Variants in CYP4Z1 observed in about 807,000 individuals in gnomAD.
The protein encoded by CYP4Z1 is cytochrome P450 family 4 subfamily Z member 1, also known as cytochrome P450 4Z1.
CYP4Z1 carries 41 observed loss-of-function variants against 54.2 expected under a neutral mutation model. That is an observed-to-expected ratio of 0.76 (90% confidence interval 0.59 to 0.98). The LOEUF (loss-of-function observed/expected upper bound fraction) is 0.98. Among genes scored for constraint, CYP4Z1 ranks in the 50% least tolerant of loss-of-function variants. The pLI is 0.00. For missense variants in CYP4Z1, 513 were observed against 599.0 expected, an observed-to-expected ratio of 0.86 and a Z score of 1.50; for synonymous variants, 163 against 206.2, an observed-to-expected ratio of 0.79 and a Z score of 1.79.
Position 47,067,673 on chromosome 1 carries a change from A to G in CYP4Z1, c.177+6A>G, listed in dbSNP as rs1569693029. The G allele has an allele frequency of 6.3e-7, 1 of 1,592,530 alleles. No individual in the cohort carries two copies. Among genetic ancestry groups the G allele is most frequent in the Non-Finnish European group, 8.6e-7 (1 of 1,166,570 alleles). On this transcript the variant is annotated splice_donor_region_variant and intron_variant, in intron 1 of 11. Coordinates refer to ENST00000334194, the MANE Select transcript of CYP4Z1 (RefSeq NM_178134.3). ...GGTTCTATGGCCACAAGGAGGTAAG[A>G]GGAGAAAATTAGTTGGGGAGGTTAA...
chr1:47,056,652 T>G, the CYP4Z1 span, among the ~76,000 whole-genome samples: 5 of 152,362 alleles, frequency 3.3e-5, no homozygotes, highest in African/African-American at 1.2e-4. Flanking sequence ...TCTTGTTGAA[T>G]TGATCCCTTT....
chr1:47,081,682 T>C (rs1193612979), intron 3 of CYP4Z1, among the ~76,000 whole-genome samples: 1 of 118,946 alleles, frequency 8.4e-6, no homozygotes, highest in African/African-American at 4.0e-5. Flanking sequence ...CACAATCTAA[T>C]TGCCCCTGGA....
At chr1:47,057,972 C>G in the CYP4Z1 span, among the ~76,000 whole-genome samples, 6 of 152,008 alleles carry the variant, frequency 3.9e-5, no homozygotes, top group Non-Finnish European at 7.4e-5. Flanking sequence ...AGTTCAACTA[C>G]TGGTTGATCA....
intron 6 of CYP4Z1, among the ~76,000 whole-genome samples, chr1:47,092,466 A>T (rs1209752224): frequency 6.6e-6 from 1 of 151,158 alleles, no homozygotes; most frequent in Admixed American, 6.6e-5. Context: ...CGGAATTCTT[A>T]TCTGGCTTCT....
At chr1:47,086,841 T>A (rs1644599028) in intron 6 of CYP4Z1, among the ~76,000 whole-genome samples, 1 of 152,240 alleles carries the variant, frequency 6.6e-6, no homozygotes, top group South Asian at 2.1e-4. Flanking sequence ...AACATTTAAA[T>A]CTTTAATCCA....
At chr1:47,082,249 A>G in intron 3 of CYP4Z1, 85 bp from the exon 4 acceptor site, 1 of 1,493,508 alleles carries the variant, frequency 6.7e-7, no homozygotes, top group Non-Finnish European at 9.0e-7. Context: ...CCAGTGTCAT[A>G]GATAGGGAAT....
chr1:47,090,372 G>A (rs1644630683), intron 6 of CYP4Z1, among the ~76,000 whole-genome samples: 1 of 152,218 alleles, frequency 6.6e-6, no homozygotes, highest in Non-Finnish European at 1.5e-5. Context: ...GTTCCACATT[G>A]TGGGTGCTAC....
At chr1:47,086,817 A>C (rs1569720857) in intron 6 of CYP4Z1, among the ~76,000 whole-genome samples, 1 of 152,120 alleles carries the variant, frequency 6.6e-6, no homozygotes, top group Non-Finnish European at 1.5e-5. Flanking sequence ...TAGGGTTTTT[A>C]TGGTTTTATG....
intron 6 of CYP4Z1, among the ~76,000 whole-genome samples, chr1:47,091,520 G>A (rs1490196511): frequency 6.7e-6 from 1 of 149,044 alleles, no homozygotes; most frequent in East Asian, 2.1e-4. Context: ...AGGTATAAAT[G>A]TTAGCTACCT....
intron 6 of CYP4Z1, among the ~76,000 whole-genome samples, chr1:47,092,567 T>C (rs979414716): frequency 6.6e-6 from 1 of 151,886 alleles, no homozygotes; most frequent in African/African-American, 2.4e-5. Context: ...TGCTTCCTTT[T>C]CCATTTATCT....
intron 2 of CYP4Z1, among the ~76,000 whole-genome samples, chr1:47,069,050 A>C (rs573230411): frequency 7.2e-5 from 11 of 152,326 alleles, no homozygotes; most frequent in African/African-American, 2.4e-4. Context: ...ACTACCACTT[A>C]CCATCACTGT....
chr1:47,099,073 G>T (rs202098764), intron 7 of CYP4Z1, 21 bp from the exon 8 acceptor site: 191 of 1,613,640 alleles, frequency 1.2e-4, no homozygotes, highest in Middle Eastern at 1.6e-4. Flanking sequence ...TTTGGATAAA[G>T]ATCATCACTG....
the CYP4Z1 span, among the ~76,000 whole-genome samples, chr1:47,058,686 A>G: frequency 6.6e-6 from 1 of 152,000 alleles, no homozygotes; most frequent in Non-Finnish European, 1.5e-5. Context: ...ACACATGTAT[A>G]TTCCTGACTA....
chr1:47,109,768 C>A (rs1644779894), intron 9 of CYP4Z1, among the ~76,000 whole-genome samples: 1 of 151,944 alleles, frequency 6.6e-6, no homozygotes, highest in Non-Finnish European at 1.5e-5. Context: ...AAAATCAGAT[C>A]AGTTGCAGGC....
intron 9 of CYP4Z1, among the ~76,000 whole-genome samples, chr1:47,115,208 A>G (rs1644820957): frequency 6.6e-6 from 1 of 152,044 alleles, no homozygotes; most frequent in Admixed American, 6.6e-5. Flanking sequence ...AAAAAACCAA[A>G]CGCCGCATGT....
At chr1:47,115,274 C>T (rs1434576945) in intron 9 of CYP4Z1, among the ~76,000 whole-genome samples, 1 of 151,998 alleles carries the variant, frequency 6.6e-6, no homozygotes, top group East Asian at 1.9e-4. Flanking sequence ...GGAAGGGGAA[C>T]ATCACACACC....
At chr1:47,083,716 A>AAGG (rs1644571574) in intron 4 of CYP4Z1, among the ~76,000 whole-genome samples, 2 of 152,076 alleles carry the variant, frequency 1.3e-5, no homozygotes, top group Non-Finnish European at 2.9e-5. Context: ...CACACCCTGA[A>AAGG]CTGATGCACC....
chr1:47,081,994 A>G (rs919471716), intron 3 of CYP4Z1, among the ~76,000 whole-genome samples: 5 of 150,306 alleles, frequency 3.3e-5, no homozygotes, highest in Non-Finnish European at 5.9e-5. Flanking sequence ...ACACCTAGGA[A>G]TTATTGGCTC....
At chr1:47,117,648 A>C in intron 11 of CYP4Z1, 118 bp from the exon 12 acceptor site, 3 of 1,045,930 alleles carry the variant, frequency 2.9e-6, no homozygotes, top group Non-Finnish European at 4.0e-6. Flanking sequence ...GCAGGATGAC[A>C]GAAAAAAAAA....
Sources: gnomAD v4.1 joint callset for allele counts (sites outside exome capture counted in the v4.1 genomes callset) on GRCh38, gnomAD v4.1.1 for gene constraint, MANE v1.5 for transcripts, NCBI Gene and HGNC (gene_info 2026-07-23, HGNC 2026-07-21) for gene names.